The following HHAT variants were observed in gnomAD, a reference collection of about 807,000 sequenced individuals.
The protein encoded by HHAT is hedgehog acyltransferase, also known as protein-cysteine N-palmitoyltransferase HHAT.
HHAT carries 47 observed loss-of-function variants against 70.8 expected under a neutral mutation model. That is an observed-to-expected ratio of 0.66 (90% CI 0.53 to 0.85). The LOEUF is 0.85. Ranked by LOEUF, HHAT falls within the 40% of genes least tolerant of loss-of-function variation. HHAT has a pLI of 0.00. For missense variants in HHAT, 609 were observed against 604.8 expected, an observed-to-expected ratio of 1.01 and a Z score of -0.07; for synonymous variants, 228 against 247.6, an observed-to-expected ratio of 0.92 and a Z score of 0.74.
chr1:210,491,867 G>T (rs1420062166), intron 8 of HHAT, among the ~76,000 whole-genome samples: 1 of 152,066 alleles, frequency 6.6e-6, no homozygotes, highest in Non-Finnish European at 1.5e-5. Context: ...GGTTCAAGCA[G>T]TTCTCCTGCC....
intron 2 of HHAT, among the ~76,000 whole-genome samples, chr1:210,353,155 C>G (rs112382443): frequency 6.6e-6 from 1 of 151,966 alleles, no homozygotes; most frequent in Non-Finnish European, 1.5e-5. Context: ...AAGCTGGTCT[C>G]GAATTCCTGA....
Position 210,555,777 on chromosome 1 carries a change from C to G in HHAT, c.1044-32121C>G, listed in dbSNP as rs1257677017. Among the ~76,000 whole-genome samples, 12 of 152,212 alleles carry G rather than the reference C, an allele frequency of 7.9e-5. No individual in the cohort carries two copies. The East Asian group carries it at 2.3e-3, about 29-fold the overall frequency. On this transcript the variant is annotated intron_variant, in intron 9 of 11. Transcript: ENST00000261458. ...GGTGCCCATCAAACCCTCTTAGAAG[C>G]CTAGTGGTAAATTCTGCACTGGTGG...
intron 11 of HHAT, among the ~76,000 whole-genome samples, chr1:210,663,123 C>T (rs891269237): frequency 6.6e-6 from 1 of 152,128 alleles, no homozygotes; most frequent in African/African-American, 2.4e-5. Flanking sequence ...CTTCAATGCT[C>T]ACAGTCTAAA....
intron 9 of HHAT, among the ~76,000 whole-genome samples, chr1:210,566,425 A>T (rs1477506979): frequency 6.6e-6 from 1 of 152,004 alleles, no homozygotes; most frequent in Non-Finnish European, 1.5e-5. Context: ...GATACCCATG[A>T]CCCTAAATGA....
In HHAT at chr1:210,352,354, C is replaced by G. The variant is rs2087113275; in HGVS notation, c.91+3288C>G. On this transcript the variant is annotated intron_variant, in intron 2 of 11. Coordinates refer to ENST00000261458, the MANE Select transcript of HHAT (RefSeq NM_018194.6). ...ACGGGAGCCAGATCCCCATGCCATG[C>G]CTAAGTATGTTCAACTGATACAATG... Among the ~76,000 whole-genome samples, 3 of 152,178 alleles carry G rather than the reference C, an allele frequency of 2.0e-5. No homozygotes were observed. The South Asian group carries it at 6.2e-4, about 31-fold the overall frequency.
At chr1:210,661,720 C>T (rs900427011) in intron 11 of HHAT, among the ~76,000 whole-genome samples, 3 of 152,096 alleles carry the variant, frequency 2.0e-5, no homozygotes, top group Non-Finnish European at 4.4e-5. Context: ...ACTATGCAGC[C>T]ATAAAAAAGG....
At chr1:210,476,081 A>G (rs1046502729) in intron 8 of HHAT, among the ~76,000 whole-genome samples, 1 of 151,984 alleles carries the variant, frequency 6.6e-6, no homozygotes, top group African/African-American at 2.4e-5. Flanking sequence ...AAATTTGCGT[A>G]TTCTGTAGCA....
Position 210,474,289 on chromosome 1 carries a change from ATAATAATTATT to A in HHAT, c.1007+9637_1007+9647del, listed in dbSNP as rs1416405393. On this transcript the variant is annotated intron_variant, in intron 8 of 11. Coordinates refer to ENST00000261458, the MANE Select transcript of HHAT (RefSeq NM_018194.6). Reference sequence around the variant, plus strand: ...TCCCACTCCTTTGAGGAAGAGATAAATAATAATTATTTATTTTCTGAGACAGGCTCTCGCTC... The same window carrying A: ...TCCCACTCCTTTGAGGAAGAGATAAATATTTTCTGAGACAGGCTCTCGCTC... 3.9e-5 allele frequency among the ~76,000 whole-genome samples: 6 copies of A among 152,260 alleles called. No homozygotes were observed. In the South Asian group the frequency reaches 1.2e-3, roughly 32 times the overall value.
chr1:210,370,159 A>G (rs1442101502), intron 3 of HHAT, among the ~76,000 whole-genome samples: 1 of 134,300 alleles, frequency 7.4e-6, no homozygotes, highest in Non-Finnish European at 1.6e-5. Flanking sequence ...AGCTTCTTCA[A>G]TGACTTTTTT....
chr1:210,627,684 TGAA>T (rs1198581175), intron 11 of HHAT, among the ~76,000 whole-genome samples: 1 of 152,192 alleles, frequency 6.6e-6, no homozygotes, highest in East Asian at 1.9e-4. Context: ...CTGCTGAGGT[TGAA>T]GAAGTAGTGT....
At chr1:210,574,976 G>C (rs1344758694) in intron 9 of HHAT, among the ~76,000 whole-genome samples, 1 of 152,210 alleles carries the variant, frequency 6.6e-6, no homozygotes, top group East Asian at 1.9e-4. Context: ...GTGAGAGGCA[G>C]GGATGGAAAG....
At chr1:210,446,466 A>G (rs565030778) in intron 7 of HHAT, among the ~76,000 whole-genome samples, 1 of 152,246 alleles carries the variant, frequency 6.6e-6, no homozygotes, top group African/African-American at 2.4e-5. Flanking sequence ...CAATGATGTG[A>G]CCTTGTTAAA....
chr1:210,374,276 A>T (rs562122934), intron 3 of HHAT: 3 of 152,194 alleles, frequency 2.0e-5, no homozygotes, highest in Non-Finnish European at 2.9e-5. Context: ...GTAATGCTAC[A>T]AATTAGTTCA....
chr1:210,368,307 T>TA lies in HHAT; in HGVS notation c.159+5395dup, dbSNP rs930369236. ...CTGAGAAAATAATTTGCCTCCTTTT[T>TA]AAAAAAATGTATGTATTTTTTTGAG... On this transcript the variant is annotated intron_variant, in intron 3 of 11. Transcript: ENST00000261458. 1.5e-4 allele frequency among the ~76,000 whole-genome samples: 23 copies of TA among 152,268 alleles called. 1 individual carries two copies. Among genetic ancestry groups the TA allele is most frequent in the African/African-American group, 4.8e-4 (20 of 41,568 alleles).
chr1:210,350,804 A>G (rs533129283), intron 2 of HHAT, among the ~76,000 whole-genome samples: 5 of 152,316 alleles, frequency 3.3e-5, no homozygotes, highest in African/African-American at 1.2e-4. Context: ...AAAAGAGATG[A>G]GAGGGCTTAT....
At chr1:210,380,168 C>T (rs940006964) in intron 3 of HHAT, among the ~76,000 whole-genome samples, 1 of 152,088 alleles carries the variant, frequency 6.6e-6, no homozygotes, top group Admixed American at 6.6e-5. Flanking sequence ...TTGAAGAATA[C>T]AATGCTTAAT....
At chr1:210,492,751 T>C (rs1174278237) in intron 8 of HHAT, among the ~76,000 whole-genome samples, 1 of 152,144 alleles carries the variant, frequency 6.6e-6, no homozygotes, top group Admixed American at 6.5e-5. Context: ...AAATAAGGAA[T>C]ATAATTTTAA....
At chr1:210,602,143 C>T (rs745676348) in intron 10 of HHAT, among the ~76,000 whole-genome samples, 10 of 151,922 alleles carry the variant, frequency 6.6e-5, no homozygotes, top group Admixed American at 3.3e-4. Context: ...AAGTGGTCCA[C>T]GGTGGTGATG....
chr1:210,359,606 A>G (rs570137020), intron 2 of HHAT, among the ~76,000 whole-genome samples: 1 of 152,188 alleles, frequency 6.6e-6, no homozygotes, highest in South Asian at 2.1e-4. Flanking sequence ...CTGGCCCTCT[A>G]CCTGCCAAAT....
Sources: allele counts gnomAD v4.1 joint callset (sites outside exome capture counted in the v4.1 genomes callset), GRCh38; gene constraint gnomAD v4.1.1; transcripts MANE v1.5; gene names NCBI Gene and HGNC (gene_info 2026-07-23, HGNC 2026-07-21).